The following PDCD6 variants were observed in gnomAD, a reference collection of about 807,000 sequenced individuals.
The protein encoded by PDCD6 is programmed cell death protein 6.
PDCD6 carries 12 observed loss-of-function variants against 28.3 expected under a neutral mutation model. The ratio of observed to expected loss-of-function variants is 0.42; its 90% CI spans 0.27 to 0.69. The LOEUF is 0.69. PDCD6 is among the 30% of genes least tolerant of loss of function. PDCD6 has a pLI of 0.22. For missense variants in PDCD6, 226 were observed against 269.9 expected (o/e 0.84, Z 1.14); for synonymous variants, 92 against 108.0 (o/e 0.85, Z 0.92).
At chr5:306,532 C>G in intron 3 of PDCD6, 70 bp from the exon 4 acceptor site, 2 of 1,561,946 alleles carry the variant, frequency 1.3e-6, no homozygotes, top group Non-Finnish European at 1.8e-6. Context: ...GGGCTGAGGT[C>G]TGGTGGGAAG....
At chr5:283,477 A>T (rs536106587) in intron 2 of PDCD6, among the ~76,000 whole-genome samples, 3,485 of 103,292 alleles carry the variant, frequency 0.034, no homozygotes, top group African/African-American at 0.11. Flanking sequence ...GATGTTCTAG[A>T]TTGAGGATCT....
rs920685230 is a variant in PDCD6 at position 307,431 on chromosome 5, G to A, written c.367+671G>A. On this transcript the variant is annotated intron_variant, in intron 4 of 5. Coordinates refer to ENST00000264933, the MANE Select transcript of PDCD6 (RefSeq NM_013232.4). This position sits in a 1 kb window ranked among gnomAD's most constrained non-coding sequence, Gnocchi z 6.1. ...GTGCCCATTCTCAGGTGCGCTCAGC[G>A]TGTGTGTGCTTGACGCGTGTGCACA... Among the ~76,000 whole-genome samples the A allele has an allele frequency of 4.6e-5, 7 of 152,258 alleles. No individual in the cohort carries two copies. The highest frequency in any genetic ancestry group is 1.2e-4 in the African/African-American group (5 of 41,566).
chr5:308,710 C>G (rs184399058), intron 4 of PDCD6: 1 of 152,336 alleles, frequency 6.6e-6, no homozygotes, highest in East Asian at 1.9e-4. Flanking sequence ...TCAGATGAAG[C>G]AGGGAGGCTG....
chr5:271,753 G>T lies in PDCD6; in HGVS notation c.33G>T (p.Gly11=). 1 of 1,178,032 alleles carries T rather than the reference G, an allele frequency of 8.5e-7. No individual in the cohort carries two copies. Among genetic ancestry groups the T allele is most frequent in the Non-Finnish European group, 1.1e-6 (1 of 873,282 alleles). 73.0% of individuals were successfully genotyped at this position (1,178,032 alleles called of 1,614,324 possible). A position where few individuals can be genotyped will look rare whatever the true frequency, so the allele number is the denominator to read the frequency against. MAAYSYRPGP[G]AGPGPAAGAA... is the part of the protein sequence containing the mutation. Reference sequence around the variant, plus strand: ...CCTACTCTTACCGCCCCGGCCCTGGGGCCGGCCCTGGGCCTGCTGCAGGCG... The same window carrying T: ...CCTACTCTTACCGCCCCGGCCCTGGTGCCGGCCCTGGGCCTGCTGCAGGCG... The change falls in exon 1 of 6, where the codon GGG becomes GGT. Residue 11 remains glycine (G), a synonymous_variant. Transcript: ENST00000264933.
chr5:271,754 GCCGGCCCTGGGC>G lies in PDCD6; in HGVS notation c.36_47del (p.Gly13_Pro16del), dbSNP rs1196666346. 20 of 1,178,274 alleles carry G rather than the reference GCCGGCCCTGGGC, an allele frequency of 1.7e-5. No individual in the cohort carries two copies. Among genetic ancestry groups the G allele is most frequent in the Middle Eastern group, 2.5e-4 (1 of 3,982 alleles). The allele number at this position is 1,178,274 out of a possible 1,614,324, so 73.0% of individuals were successfully genotyped here. A position where few individuals can be genotyped will look rare whatever the true frequency, so the allele number is the denominator to read the frequency against. ...CTACTCTTACCGCCCCGGCCCTGGG[GCCGGCCCTGGGC>G]CTGCTGCAGGCGCGGCGCTGCCGGA... On this transcript the variant is annotated inframe_deletion, in exon 1 of 6. Coordinates refer to ENST00000264933, the MANE Select transcript of PDCD6 (RefSeq NM_013232.4).
intron 2 of PDCD6, among the ~76,000 whole-genome samples, chr5:292,114 G>C (rs903793632): frequency 6.6e-6 from 1 of 152,176 alleles, no homozygotes; most frequent in Admixed American, 6.5e-5. Context: ...TGGGTGTCAC[G>C]TGATATCTCC....
chr5:292,037 C>T (rs1291691216), intron 2 of PDCD6, among the ~76,000 whole-genome samples: 1 of 152,188 alleles, frequency 6.6e-6, no homozygotes, highest in African/African-American at 2.4e-5. Flanking sequence ...GGTGTTCCTG[C>T]TTCTCTCCAT....
intron 2 of PDCD6, chr5:290,132 G>C: frequency 6.3e-7 from 1 of 1,586,816 alleles, no homozygotes; most frequent in Non-Finnish European, 8.6e-7. Context: ...CTTGGCTCAG[G>C]AGCTGAAGTT....
intron 5 of PDCD6, among the ~76,000 whole-genome samples, chr5:312,811 A>G (rs1008014387): frequency 2.0e-5 from 3 of 152,204 alleles, no homozygotes; most frequent in African/African-American, 7.2e-5. Context: ...CCCTGTCTTA[A>G]AAAAGAAAGA....
intron 2 of PDCD6, among the ~76,000 whole-genome samples, chr5:296,601 C>T (rs1010746659): frequency 2.6e-5 from 4 of 152,186 alleles, no homozygotes; most frequent in African/African-American, 9.7e-5. Context: ...CAAAAACACA[C>T]GCTGCTAATT....
chr5:289,725 T>C (rs1165916238), intron 2 of PDCD6: 3 of 862,456 alleles, frequency 3.5e-6, no homozygotes, highest in Admixed American at 1.7e-5. Flanking sequence ...AATTTACCTC[T>C]TTGCTGTCTG....
chr5:289,179 T>C, intron 2 of PDCD6: 1 of 921,548 alleles, frequency 1.1e-6, no homozygotes, highest in Admixed American at 2.6e-5. Flanking sequence ...AATGTTGTTG[T>C]ACTTAAATTT....
At chr5:314,302 CAG>C (rs1186861372) in intron 5 of PDCD6, 113 bp from the exon 6 acceptor site, 1 of 697,888 alleles carries the variant, frequency 1.4e-6, no homozygotes, top group African/African-American at 1.8e-5. Flanking sequence ...TGGGCTCCAT[CAG>C]GGAGCCCAGA....
At chr5:297,194 G>A (rs1282654622) in intron 2 of PDCD6, among the ~76,000 whole-genome samples, 3 of 152,210 alleles carry the variant, frequency 2.0e-5, no homozygotes, top group African/African-American at 4.8e-5. Context: ...ACCAGGATTC[G>A]TACATGCCAG....
Position 293,202 on chromosome 5 carries a change from A to G in PDCD6, c.164-10975A>G, listed in dbSNP as rs1457096680. Among the ~76,000 whole-genome samples the G allele has an allele frequency of 3.3e-5, 5 of 152,322 alleles. No homozygotes were observed. In the East Asian group the frequency reaches 9.6e-4, roughly 29 times the overall value. On this transcript the variant is annotated intron_variant, in intron 2 of 5. Transcript: ENST00000264933. ...GGACCAGGACAGCGCCAGCACTAAGACATGCCCTGAAACTCACAGGAAGAC... is the reference window on the plus strand; with the variant it reads ...GGACCAGGACAGCGCCAGCACTAAGGCATGCCCTGAAACTCACAGGAAGAC...
At chr5:297,710 A>G (rs1417246730) in intron 2 of PDCD6, among the ~76,000 whole-genome samples, 1 of 152,202 alleles carries the variant, frequency 6.6e-6, no homozygotes, top group African/African-American at 2.4e-5. Flanking sequence ...AAATGACACC[A>G]GGCCTCCTGG....
chr5:290,397 C>G, intron 2 of PDCD6: 1 of 787,474 alleles, frequency 1.3e-6, no homozygotes, highest in South Asian at 1.6e-5. Flanking sequence ...CCCCCACCCC[C>G]CGACGTCCTC....
At position 314,741 on chromosome 5, in the gene PDCD6, T is replaced by C; in HGVS notation, c.*226T>C. On this transcript the variant is annotated 3_prime_UTR_variant, in exon 6 of 6. Transcript: ENST00000264933. ...ACATTGGATTTGGTGACTGTCTCAT[T>C]GTGCCATGAGGTAAATGTAATGTTT... The C allele has an allele frequency of 1.6e-6, 1 of 633,010 alleles. No individual in the cohort carries two copies. Among genetic ancestry groups the C allele is most frequent in the Non-Finnish European group, 2.9e-6 (1 of 342,698 alleles). 39.2% of individuals were successfully genotyped at this position (633,010 alleles called of 1,614,324 possible). A position where few individuals can be genotyped will look rare whatever the true frequency, so the allele number is the denominator to read the frequency against.
At chr5:280,039 C>G (rs1354163059) in intron 2 of PDCD6, among the ~76,000 whole-genome samples, 1 of 148,556 alleles carries the variant, frequency 6.7e-6, no homozygotes, top group Non-Finnish European at 1.5e-5. Flanking sequence ...ACTCCAAGGA[C>G]GAATGGTATT....
Sources: allele counts gnomAD v4.1 joint callset (sites outside exome capture counted in the v4.1 genomes callset), GRCh38; gene constraint gnomAD v4.1.1; non-coding constraint Gnocchi (gnomAD v3.1); transcripts MANE v1.5; gene names NCBI Gene and HGNC (gene_info 2026-07-23, HGNC 2026-07-21).